The following ZDHHC15 variants were observed in gnomAD, a reference collection of about 807,000 sequenced individuals.
ZDHHC15 encodes the protein palmitoyltransferase ZDHHC15.
ZDHHC15 carries 19 observed loss-of-function variants against 31.7 expected under a neutral mutation model. The ratio of observed to expected loss-of-function variants is 0.60; its 90% confidence interval spans 0.42 to 0.88. The LOEUF is 0.88. Among genes scored for constraint, ZDHHC15 ranks in the 40% least tolerant of loss-of-function variants. The pLI is 0.00. For missense variants in ZDHHC15, 209 were observed against 251.2 expected (o/e 0.83, Z 1.14); for synonymous variants, 103 against 90.0 (o/e 1.14, Z -0.82).
intron 9 of ZDHHC15, among the ~76,000 whole-genome samples, chrX:75,420,997 T>C (rs936084446): frequency 9.1e-6 from 1 of 110,271 alleles, no homozygotes; most frequent in Non-Finnish European, 1.9e-5. Context: ...TGTTCTTGCT[T>C]TTCATATTTT....
intron 1 of ZDHHC15, among the ~76,000 whole-genome samples, chrX:75,518,970 T>A (rs1226671712): frequency 9.3e-6 from 1 of 108,069 alleles, no homozygotes; most frequent in African/African-American, 3.4e-5. Flanking sequence ...ATTTTATGAT[T>A]CTATTTATAT....
intron 3 of ZDHHC15, among the ~76,000 whole-genome samples, chrX:75,464,068 A>C (rs753213819): frequency 8.9e-6 from 1 of 112,218 alleles, no homozygotes; most frequent in Admixed American, 9.5e-5. Context: ...GGATTAAGGA[A>C]ATGTGGCACA....
intron 2 of ZDHHC15, among the ~76,000 whole-genome samples, chrX:75,482,531 A>T (rs1258612940): frequency 1.8e-5 from 2 of 111,700 alleles, no homozygotes; most frequent in African/African-American, 6.5e-5. Flanking sequence ...TTAGGCATCT[A>T]CTACTCATCA....
In ZDHHC15 at chrX:75,431,441, C is replaced by T. The variant is rs755068199; in HGVS notation, c.449+10G>A. On this transcript the variant is annotated intron_variant, in intron 5 of 11. Transcript: ENST00000373367. ...AAGCCCAGCCCAGGGGAAATATGGC[C>T]GTCACTTACATAGCACAGACAGAGC... The T allele has an allele frequency of 9.2e-6, 11 of 1,199,484 alleles. No individual in the cohort carries two copies. The highest frequency in any genetic ancestry group is 3.0e-5 in the East Asian group (1 of 33,537).
At chrX:75,408,475 A>C (rs1025216313) in intron 10 of ZDHHC15, among the ~76,000 whole-genome samples, 3 of 112,109 alleles carry the variant, frequency 2.7e-5, no homozygotes, top group African/African-American at 9.7e-5. Context: ...GCCATATATG[A>C]CAAACCCACA....
chrX:75,369,798 G>T lies in ZDHHC15; in HGVS notation c.*3180C>A, dbSNP rs753413880. The stretch of plus-strand genomic sequence containing the variant: ...GACTCTTTCAGAATGTGATCCTGTT[G>T]TAATTACTCTCAAAATTCTAACTGC... On this transcript the variant is annotated 3_prime_UTR_variant, in exon 12 of 12. Transcript: ENST00000373367. The T allele has an allele frequency of 1.8e-5, 2 of 112,034 alleles. No individual in the cohort carries two copies. Among genetic ancestry groups the T allele is most frequent in the Non-Finnish European group, 3.8e-5 (2 of 53,265 alleles). 9.2% of individuals were successfully genotyped at this position (112,034 alleles called of 1,213,427 possible). A position where few individuals can be genotyped will look rare whatever the true frequency, so the allele number is the denominator to read the frequency against.
chrX:75,383,897 C>A (rs1425635780), intron 10 of ZDHHC15, among the ~76,000 whole-genome samples: 1 of 98,307 alleles, frequency 1.0e-5, no homozygotes, highest in Admixed American at 1.2e-4. Context: ...CCCCACCACA[C>A]CCAGCTAATT....
chrX:75,441,236 G>T (rs2083935949), intron 4 of ZDHHC15, among the ~76,000 whole-genome samples: 1 of 111,616 alleles, frequency 9.0e-6, no homozygotes, highest in Non-Finnish European at 1.9e-5. Context: ...TTATTACAAA[G>T]CTCAGCTGTG....
intron 2 of ZDHHC15, among the ~76,000 whole-genome samples, chrX:75,499,869 A>G (rs887242252): frequency 8.9e-6 from 1 of 111,991 alleles, no homozygotes; most frequent in Non-Finnish European, 1.9e-5. Context: ...CACAATTGCA[A>G]AAATATGAAA....
At chrX:75,506,584 AC>A in intron 1 of ZDHHC15, among the ~76,000 whole-genome samples, 1 of 111,175 alleles carries the variant, frequency 9.0e-6, no homozygotes, top group Non-Finnish European at 1.9e-5. Context: ...ATTGATACCA[AC>A]TCCTTGTTGT....
At chrX:75,495,529 C>A (rs898008003) in intron 2 of ZDHHC15, among the ~76,000 whole-genome samples, 2 of 110,654 alleles carry the variant, frequency 1.8e-5, no homozygotes, top group Admixed American at 1.9e-4. Flanking sequence ...TTGGAACCAA[C>A]CCAAATATCC....
intron 10 of ZDHHC15, among the ~76,000 whole-genome samples, chrX:75,389,571 C>A (rs762217329): frequency 8.2e-5 from 9 of 110,000 alleles, no homozygotes; most frequent in Non-Finnish European, 1.5e-4. Context: ...ATTTTAGGTC[C>A]TAGCTCATGG....
At chrX:75,419,628 T>G (rs973280598) in intron 9 of ZDHHC15, among the ~76,000 whole-genome samples, 1 of 110,777 alleles carries the variant, frequency 9.0e-6, no homozygotes, top group Non-Finnish European at 1.9e-5. Flanking sequence ...TAAAACATGC[T>G]GCTATAAAGA....
intron 10 of ZDHHC15, among the ~76,000 whole-genome samples, chrX:75,406,121 A>G (rs1407132782): frequency 1.8e-5 from 2 of 112,012 alleles, no homozygotes; most frequent in African/African-American, 6.5e-5. Flanking sequence ...AATGAAGAAA[A>G]TTAAGAAAGA....
chrX:75,425,176 T>A (rs1446221577), intron 7 of ZDHHC15, among the ~76,000 whole-genome samples: 1 of 111,393 alleles, frequency 9.0e-6, no homozygotes, highest in African/African-American at 3.3e-5. Context: ...ATTCTGGAAT[T>A]CTTTATATAT....
intron 10 of ZDHHC15, among the ~76,000 whole-genome samples, chrX:75,380,716 C>A (rs1040248236): frequency 1.8e-5 from 2 of 111,186 alleles, no homozygotes; most frequent in African/African-American, 3.3e-5. Flanking sequence ...TTTAGGGAGT[C>A]AATTCACCTT....
At chrX:75,450,136 G>A (rs752269470) in intron 4 of ZDHHC15, among the ~76,000 whole-genome samples, 1 of 112,065 alleles carries the variant, frequency 8.9e-6, no homozygotes, top group East Asian at 2.8e-4. Flanking sequence ...AAAGATGGAT[G>A]AATCTTACAA....
chrX:75,403,963 C>A (rs1404552187), intron 10 of ZDHHC15, among the ~76,000 whole-genome samples: 1 of 111,749 alleles, frequency 8.9e-6, no homozygotes, highest in East Asian at 2.8e-4. Flanking sequence ...ATCATGTTAG[C>A]CAACTTGAAA....
chrX:75,490,078 T>G (rs930002845), intron 2 of ZDHHC15, among the ~76,000 whole-genome samples: 1 of 111,065 alleles, frequency 9.0e-6, no homozygotes. Context: ...CTCCAAGAAA[T>G]ATGGGACTAT....
Sources: gnomAD v4.1 joint callset for allele counts (sites outside exome capture counted in the v4.1 genomes callset) on GRCh38, gnomAD v4.1.1 for gene constraint, MANE v1.5 for transcripts, NCBI Gene and HGNC (gene_info 2026-07-23, HGNC 2026-07-21) for gene names.